FTO: variants seen among roughly 807,000 people sequenced by gnomAD.
FTO encodes FTO alpha-ketoglutarate dependent dioxygenase.
FTO carries 47 observed loss-of-function variants against 63.9 expected under a neutral mutation model. That is an observed-to-expected ratio of 0.74 (90% CI 0.58 to 0.94). The LOEUF (loss-of-function observed/expected upper bound fraction) is 0.94, where lower values mean the gene tolerates loss of function less well. FTO is among the 40% of genes least tolerant of loss of function. FTO has a pLI of 0.00. For synonymous variants in FTO, 207 were observed against 224.4 expected, an observed-to-expected ratio of 0.92 and a Z score of 0.69; for missense variants, 562 against 618.1, an observed-to-expected ratio of 0.91 and a Z score of 0.96.
intron 8 of FTO, among the ~76,000 whole-genome samples, chr16:54,006,465 G>A (rs553839884): frequency 3.2e-4 from 49 of 152,172 alleles, no homozygotes; most frequent in Non-Finnish European, 6.0e-4. Flanking sequence ...ACTCAGTAAC[G>A]TAAAATGTGT....
chr16:53,745,851 C>T (rs752343914), intron 1 of FTO, among the ~76,000 whole-genome samples: 5 of 152,104 alleles, frequency 3.3e-5, no homozygotes, highest in Non-Finnish European at 5.9e-5. Context: ...ACTAAGTGGC[C>T]GTTGTTCATT....
intron 8 of FTO, chr16:53,985,085 G>C (rs1339138191): frequency 2.3e-6 from 1 of 427,986 alleles, no homozygotes. Context: ...GTTTGTTCCA[G>C]TATGTGTAGG....
intron 1 of FTO, among the ~76,000 whole-genome samples, chr16:53,718,995 G>A (rs1475511869): frequency 6.6e-6 from 1 of 152,166 alleles, no homozygotes; most frequent in Admixed American, 6.5e-5. Context: ...TCAAGCTACA[G>A]TTTGTAAAGC....
intron 7 of FTO, among the ~76,000 whole-genome samples, chr16:53,919,556 A>G (rs2081960709): frequency 6.6e-6 from 1 of 152,232 alleles, no homozygotes; most frequent in East Asian, 1.9e-4. Flanking sequence ...TTACAATTGC[A>G]GCAATACGGA....
rs2086954733 is a variant in FTO, at chr16:54,114,460, G to A, written c.*2545G>A. 6.6e-6 allele frequency: 1 copy of A among 152,152 alleles called. No homozygotes were observed. Among genetic ancestry groups the A allele is most frequent in the East Asian group, 1.9e-4 (1 of 5,186 alleles). The allele number at this position is 152,152 out of a possible 1,614,324, so 9.4% of individuals were successfully genotyped here. On this transcript the variant is annotated 3_prime_UTR_variant, in exon 9 of 9. Coordinates refer to ENST00000471389, the MANE Select transcript of FTO (RefSeq NM_001080432.3). ...TAAACATATTAAAAGGATGAGATAA[G>A]AAACCGAGAGATTTTGCTGTTTTTT...
At chr16:53,762,528 C>G (rs2077095042) in intron 1 of FTO, among the ~76,000 whole-genome samples, 1 of 151,984 alleles carries the variant, frequency 6.6e-6, no homozygotes, top group African/African-American at 2.4e-5. Context: ...AATATAAGCA[C>G]CGAGTGAATG....
rs1420161387 is a variant in FTO, at chr16:54,018,936, G to A, written c.1364+84827G>A. 4.6e-5 allele frequency among the ~76,000 whole-genome samples: 7 copies of A among 152,326 alleles called. No homozygotes were observed. In the East Asian group the frequency reaches 1.4e-3, roughly 29 times the overall value. ...ACTCAAATTACTGTAAACAATGCCA[G>A]TTGTTATCTCACATCACAGGAAGTT... On this transcript the variant is annotated intron_variant, in intron 8 of 8. Transcript: ENST00000471389.
At position 54,114,584 on chromosome 16, in the gene FTO, G is replaced by A. The variant is rs2086957330; in HGVS notation, c.*2669G>A. 1 of 152,132 alleles carries A rather than the reference G, an allele frequency of 6.6e-6. No individual in the cohort carries two copies. The highest frequency in any genetic ancestry group is 2.4e-5 in the African/African-American group (1 of 41,404). 9.4% of individuals were successfully genotyped at this position (152,132 alleles called of 1,614,324 possible). On this transcript the variant is annotated 3_prime_UTR_variant, in exon 9 of 9. Transcript: ENST00000471389. ...GGTGGAGTCAGGGAATGTGCAACAG[G>A]GTTGGAGAAATCACTACTTTAAGTG...
intron 1 of FTO, among the ~76,000 whole-genome samples, chr16:53,733,955 A>G (rs1464718633): frequency 1.3e-5 from 2 of 152,248 alleles, no homozygotes; most frequent in African/African-American, 2.4e-5. Context: ...AAAGTACACA[A>G]TTCTACAAAT....
chr16:53,959,600 C>T (rs1014268114), intron 8 of FTO, among the ~76,000 whole-genome samples: 1 of 152,074 alleles, frequency 6.6e-6, no homozygotes, highest in Non-Finnish European at 1.5e-5. Flanking sequence ...ACCATTATAA[C>T]TGTTACTGTG....
rs180749924 is a variant in FTO at position 53,820,293 on chromosome 16, G to A, written c.124-5571G>A. Among the ~76,000 whole-genome samples, 119 of 152,190 alleles carry A rather than the reference G, an allele frequency of 7.8e-4. 1 individual carries two copies. The highest frequency in any genetic ancestry group is 2.8e-3 in the African/African-American group (117 of 41,536). On this transcript the variant is annotated intron_variant, in intron 2 of 8. Coordinates refer to ENST00000471389, the MANE Select transcript of FTO (RefSeq NM_001080432.3). Reference sequence around the variant, plus strand: ...CAAAGTGCTGGGATTACAGGTGTAAGCCACCGCTCCAGGCCACTAGTACTA... The same window carrying A: ...CAAAGTGCTGGGATTACAGGTGTAAACCACCGCTCCAGGCCACTAGTACTA...
intron 1 of FTO, among the ~76,000 whole-genome samples, chr16:53,713,177 G>A (rs2075816027): frequency 6.6e-6 from 1 of 152,094 alleles, no homozygotes; most frequent in Non-Finnish European, 1.5e-5. Context: ...ATATACCATA[G>A]GTGTGGGCAT....
At chr16:53,759,711 A>C (rs1229168936) in intron 1 of FTO, among the ~76,000 whole-genome samples, 1 of 150,014 alleles carries the variant, frequency 6.7e-6, no homozygotes, top group African/African-American at 2.5e-5. Context: ...AAAAAAAAAA[A>C]AAAAAGAAAA....
intron 8 of FTO, among the ~76,000 whole-genome samples, chr16:54,015,930 C>CT (rs2084435323): frequency 6.6e-6 from 1 of 152,218 alleles, no homozygotes; most frequent in African/African-American, 2.4e-5. Flanking sequence ...CAGATCATTT[C>CT]TGCCTACAGC....
intron 7 of FTO, among the ~76,000 whole-genome samples, chr16:53,933,596 A>G (rs1007797590): frequency 2.0e-5 from 3 of 152,218 alleles, no homozygotes; most frequent in African/African-American, 7.2e-5. Context: ...CAAGAGAGTG[A>G]AAGTCAGAGG....
In FTO at chr16:54,117,811, C is replaced by T. The variant is rs1161864109; in HGVS notation, c.*5896C>T. ...CTTCTAATGGATGATCTGTGTACAA[C>T]AATTGTTTATTGACTCTGAATGTCT... On this transcript the variant is annotated 3_prime_UTR_variant, in exon 9 of 9. Coordinates refer to ENST00000471389, the MANE Select transcript of FTO (RefSeq NM_001080432.3). 1 of 152,174 alleles carries T rather than the reference C, an allele frequency of 6.6e-6. No homozygotes were observed. Among genetic ancestry groups the T allele is most frequent in the African/African-American group, 2.4e-5 (1 of 41,438 alleles). The allele number at this position is 152,174 out of a possible 1,614,324, so 9.4% of individuals were successfully genotyped here.
At chr16:54,017,519 C>T (rs1454738758) in intron 8 of FTO, among the ~76,000 whole-genome samples, 1 of 152,190 alleles carries the variant, frequency 6.6e-6, no homozygotes, top group Non-Finnish European at 1.5e-5. Context: ...TTAGGCGCTT[C>T]TAGGCAAATG....
At chr16:53,992,375 C>T (rs2083831697) in intron 8 of FTO, 1 of 152,216 alleles carries the variant, frequency 6.6e-6, no homozygotes, top group Non-Finnish European at 1.5e-5. Context: ...GGTTTCTTGG[C>T]ACCTACCTAG....
chr16:54,073,001 A>C (rs1197327214), intron 8 of FTO, among the ~76,000 whole-genome samples: 3 of 152,222 alleles, frequency 2.0e-5, no homozygotes, highest in Non-Finnish European at 4.4e-5. Context: ...GTTTAAAGAG[A>C]GAAGGACCTT....
Sources: allele counts gnomAD v4.1 joint callset (sites outside exome capture counted in the v4.1 genomes callset), GRCh38; gene constraint gnomAD v4.1.1; transcripts MANE v1.5; gene names NCBI Gene and HGNC (gene_info 2026-07-23, HGNC 2026-07-21).